Variants in TANC2 observed in about 807,000 individuals in gnomAD.
TANC2 encodes the protein tetratricopeptide repeat, ankyrin repeat and coiled-coil containing 2, also known as protein TANC2.
TANC2 carries 26 observed loss-of-function variants against 210.5 expected under a neutral mutation model. That is an observed-to-expected ratio of 0.12 (90% CI 0.09 to 0.17). The LOEUF (loss-of-function observed/expected upper bound fraction) is 0.17. Among genes scored for constraint, TANC2 ranks in the 10% least tolerant of loss-of-function variants. The pLI is 1.00. For synonymous variants in TANC2, 931 were observed against 967.1 expected (o/e 0.96, Z 0.69); for missense variants, 2,129 against 2,608.9 (o/e 0.82, Z 4.01).
At chr17:63,123,683 CTTT>C (rs957485298) in intron 4 of TANC2, among the ~76,000 whole-genome samples, 1 of 93,890 alleles carries the variant, frequency 1.1e-5, no homozygotes, top group Non-Finnish European at 2.0e-5. Context: ...TAGGTAAAAT[CTTT>C]TTTTTTTTTT....
Position 63,419,906 on chromosome 17 carries a change from A to T in TANC2, c.4269-93A>T, listed in dbSNP as rs187607917. On this transcript the variant is annotated intron_variant, in intron 27 of 27. Transcript: ENST00000689528. Reference sequence around the variant, plus strand: ...CCCAGACTCCCACAGACGCCACCACAGCTCTCTGAGATAGTGACCATGTTC... The same window carrying T: ...CCCAGACTCCCACAGACGCCACCACTGCTCTCTGAGATAGTGACCATGTTC... 4 of 1,399,914 alleles carry T rather than the reference A, an allele frequency of 2.9e-6. No individual in the cohort carries two copies. In the Admixed American group the frequency reaches 1.1e-4, roughly 38 times the overall value. The allele number at this position is 1,399,914 out of a possible 1,614,324, so 86.7% of individuals were successfully genotyped here.
At chr17:63,395,344 TC>T (rs2048119033) in intron 17 of TANC2, among the ~76,000 whole-genome samples, 1 of 152,226 alleles carries the variant, frequency 6.6e-6, no homozygotes, top group Non-Finnish European at 1.5e-5. Context: ...ATGTTTTTCT[TC>T]CCTTTTTTGA....
chr17:63,011,310 T>G (rs976081481), intron 2 of TANC2, among the ~76,000 whole-genome samples: 1 of 152,162 alleles, frequency 6.6e-6, no homozygotes, highest in Admixed American at 6.5e-5. Context: ...AGAAAATCTA[T>G]TCTGTATTAT....
At chr17:63,255,918 T>C (rs2146193341) in intron 8 of TANC2, among the ~76,000 whole-genome samples, 1 of 146,028 alleles carries the variant, frequency 6.8e-6, no homozygotes, top group East Asian at 1.9e-4. Context: ...TTTTTTTTTT[T>C]TTTTTTTGAG....
intron 2 of TANC2, among the ~76,000 whole-genome samples, chr17:63,043,199 TCA>T (rs1280006055): frequency 6.6e-6 from 1 of 152,068 alleles, no homozygotes; most frequent in Non-Finnish European, 1.5e-5. Flanking sequence ...ATCTTGTCTC[TCA>T]CATTGTAAAG....
chr17:63,337,978 C>T (rs993547200), intron 11 of TANC2, among the ~76,000 whole-genome samples: 4 of 152,222 alleles, frequency 2.6e-5, no homozygotes, highest in Non-Finnish European at 5.9e-5. Flanking sequence ...CATAGTATTC[C>T]ATGGTGTATA....
intron 2 of TANC2, among the ~76,000 whole-genome samples, chr17:63,064,132 G>T (rs1207962080): frequency 6.6e-6 from 1 of 152,082 alleles, no homozygotes; most frequent in East Asian, 1.9e-4. Flanking sequence ...ATTCAATTTG[G>T]GAGGTATAAG....
At chr17:63,313,572 C>T (rs1872686385) in intron 9 of TANC2, 1 of 151,798 alleles carries the variant, frequency 6.6e-6, no homozygotes, top group African/African-American at 2.4e-5. Context: ...GATCTATCCC[C>T]AAGAGAGATG....
At chr17:63,208,862 G>A (rs2041799776) in intron 7 of TANC2, among the ~76,000 whole-genome samples, 1 of 152,106 alleles carries the variant, frequency 6.6e-6, no homozygotes, top group Admixed American at 6.5e-5. Context: ...CAGCACTGCA[G>A]CAAAGTCTCT....
At position 63,094,196 on chromosome 17, in the gene TANC2, A is replaced by G. The variant is rs568278075; in HGVS notation, c.140-4979A>G. On this transcript the variant is annotated intron_variant, in intron 3 of 27. Transcript: ENST00000689528. ...CCTTAGAATTTTTACATAGGCAATC[A>G]TGTTGTCTGATCATATGATCCTATA... is the stretch of plus-strand genomic sequence containing the variant. 5.9e-5 allele frequency among the ~76,000 whole-genome samples: 9 copies of G among 151,932 alleles called. No individual in the cohort carries two copies. In the East Asian group the frequency reaches 1.5e-3, roughly 26 times the overall value.
intron 8 of TANC2, among the ~76,000 whole-genome samples, chr17:63,253,303 A>G (rs926633859): frequency 1.3e-5 from 2 of 152,018 alleles, no homozygotes; most frequent in South Asian, 2.1e-4. Flanking sequence ...TTTTTTTCCT[A>G]TAGAGTTATT....
chr17:62,984,731 G>A (rs891854626), intron 1 of TANC2, among the ~76,000 whole-genome samples: 2 of 151,854 alleles, frequency 1.3e-5, no homozygotes, highest in African/African-American at 2.4e-5. Context: ...GGTTGTTCTG[G>A]AGCAGGTTGT....
intron 15 of TANC2, among the ~76,000 whole-genome samples, chr17:63,383,907 C>G (rs1027721012): frequency 1.3e-5 from 2 of 152,016 alleles, no homozygotes; most frequent in African/African-American, 4.8e-5. Flanking sequence ...AACCACTATT[C>G]TTTTCTTTTC....
chr17:63,222,835 A>G (rs2042232215), intron 7 of TANC2, among the ~76,000 whole-genome samples: 2 of 152,192 alleles, frequency 1.3e-5, no homozygotes, highest in Admixed American at 1.3e-4. Context: ...TACTACATGA[A>G]TGTTCCCAGC....
Position 63,421,660 on chromosome 17 carries a change from C to G in TANC2, c.5930C>G (p.Pro1977Arg), listed in dbSNP as rs748002519. The stretch of plus-strand genomic sequence containing the variant: ...CTGCCTCAGCCTGAGTCCTTCAGTC[C>G]ACCATCATCCATCAGCAACATTGCC... The change falls in exon 28 of 28, where the codon CCA (proline) becomes CGA (arginine). Residue 1977 changes from proline (P) to arginine (R), a missense_variant. Coordinates refer to ENST00000689528, the Ensembl canonical transcript of TANC2. The surrounding 1 kb of genome is among the most constrained non-coding windows in gnomAD (Gnocchi z 6.9). 3 of 1,614,074 alleles carry G rather than the reference C, an allele frequency of 1.9e-6. No individual in the cohort carries two copies. Among genetic ancestry groups the G allele is most frequent in the Non-Finnish European group, 2.5e-6 (3 of 1,179,900 alleles).
intron 2 of TANC2, among the ~76,000 whole-genome samples, chr17:63,022,872 T>A (rs1410181618): frequency 6.6e-6 from 1 of 152,202 alleles, no homozygotes; most frequent in Admixed American, 6.5e-5. Flanking sequence ...ATGCCATAGA[T>A]TGTGGCAGCA....
intron 17 of TANC2, among the ~76,000 whole-genome samples, chr17:63,394,022 T>C (rs554217736): frequency 6.6e-6 from 1 of 152,164 alleles, no homozygotes; most frequent in African/African-American, 2.4e-5. Context: ...TCCACCCGCC[T>C]CGGCCTCCCA....
At chr17:63,179,973 T>A (rs1421788146) in intron 5 of TANC2, among the ~76,000 whole-genome samples, 13 of 123,230 alleles carry the variant, frequency 1.1e-4, no homozygotes, top group Non-Finnish European at 1.7e-4. Context: ...TACATCTCTT[T>A]AAAAAAAAAA....
intron 7 of TANC2, among the ~76,000 whole-genome samples, chr17:63,224,169 C>G (rs2042267897): frequency 1.3e-5 from 2 of 151,926 alleles, no homozygotes. Flanking sequence ...ACCATCTTGC[C>G]ACTAGAAACA....
Sources: allele counts gnomAD v4.1 joint callset (sites outside exome capture counted in the v4.1 genomes callset), GRCh38; gene constraint gnomAD v4.1.1; non-coding constraint Gnocchi (gnomAD v3.1); transcripts MANE v1.5; gene names NCBI Gene and HGNC (gene_info 2026-07-23, HGNC 2026-07-21).